The following KDM2A variants were observed in gnomAD, a reference collection of about 807,000 sequenced individuals.
The protein encoded by KDM2A is lysine-specific demethylase 2A.
In KDM2A, 3 loss-of-function variants were observed where a neutral mutation model predicts 137.3. The observed-to-expected ratio is 0.02, with a 90% CI of 0.01 to 0.06. The LOEUF (loss-of-function observed/expected upper bound fraction) is 0.06. Ranked by LOEUF, KDM2A falls within the 10% of genes least tolerant of loss-of-function variation. KDM2A has a pLI of 1.00. For missense variants in KDM2A, 738 were observed against 1,510.6 expected, an observed-to-expected ratio of 0.49 and a Z score of 8.48; for synonymous variants, 512 against 541.5, an observed-to-expected ratio of 0.95 and a Z score of 0.76.
chr11:67,165,370 C>T (rs1385304698), intron 2 of KDM2A, among the ~76,000 whole-genome samples: 2 of 152,136 alleles, frequency 1.3e-5, no homozygotes, highest in Non-Finnish European at 2.9e-5. Flanking sequence ...GATCTGCCCA[C>T]CTCAGCCTCC....
intron 2 of KDM2A, among the ~76,000 whole-genome samples, chr11:67,174,259 A>G (rs1487842742): frequency 6.6e-6 from 1 of 152,156 alleles, no homozygotes; most frequent in African/African-American, 2.4e-5. Context: ...CTCTGTCTCA[A>G]AAAAAAGAAA....
Position 67,257,172 on chromosome 11 carries a change from C to T in KDM2A, c.*2117C>T, listed in dbSNP as rs755603881. On this transcript the variant is annotated 3_prime_UTR_variant, in exon 21 of 21. Transcript: ENST00000529006. ...CAGGGATTGTGCCGGGAGAGTGCCT[C>T]TGACTTTGGGACATTTCATCCACAG... is the stretch of plus-strand genomic sequence containing the variant. The T allele has an allele frequency of 6.6e-6, 1 of 152,280 alleles. No individual in the cohort carries two copies. The highest frequency in any genetic ancestry group is 1.5e-5 in the Non-Finnish European group (1 of 68,044). The allele number at this position is 152,280 out of a possible 1,614,324, so 9.4% of individuals were successfully genotyped here.
chr11:67,247,072 T>TATATATATATATA (rs1491570916), intron 15 of KDM2A, among the ~76,000 whole-genome samples: 3 of 18,354 alleles, frequency 1.6e-4, no homozygotes, highest in African/African-American at 6.1e-4. Flanking sequence ...TATATATATA[T>TATATATATATATA]TTTTTTTTTT....
intron 12 of KDM2A, among the ~76,000 whole-genome samples, chr11:67,238,791 A>G (rs1264019211): frequency 2.0e-5 from 3 of 152,236 alleles, no homozygotes; most frequent in Non-Finnish European, 4.4e-5. Context: ...AGGGTCTAAA[A>G]GTCACATAAA....
intron 8 of KDM2A, 148 bp from the exon 9 acceptor site, chr11:67,217,583 T>G: frequency 1.4e-6 from 1 of 701,380 alleles, no homozygotes; most frequent in East Asian, 2.7e-5. Context: ...CCTTCTAGGG[T>G]TTACCACATA....
intron 2 of KDM2A, among the ~76,000 whole-genome samples, chr11:67,131,201 G>C (rs184660811): frequency 3.9e-5 from 6 of 151,980 alleles, no homozygotes; most frequent in Non-Finnish European, 8.8e-5. Context: ...GTGCACGCCT[G>C]TAGTCCCAGC....
At chr11:67,200,407 T>C (rs1056476408) in intron 5 of KDM2A, among the ~76,000 whole-genome samples, 1 of 152,058 alleles carries the variant, frequency 6.6e-6, no homozygotes, top group Admixed American at 6.5e-5. Context: ...TTAGTAGAGA[T>C]GGGGTTTCAC....
intron 2 of KDM2A, among the ~76,000 whole-genome samples, chr11:67,125,616 A>T (rs1034181102): frequency 6.6e-6 from 1 of 151,846 alleles, no homozygotes; most frequent in Non-Finnish European, 1.5e-5. Context: ...TACTAAAAAT[A>T]CAAAAATTAG....
Position 67,250,021 on chromosome 11 carries a change from C to A in KDM2A, c.2056-65C>A. 1 of 1,350,506 alleles carries A rather than the reference C, an allele frequency of 7.4e-7. No individual in the cohort carries two copies. 83.7% of individuals were successfully genotyped at this position (1,350,506 alleles called of 1,614,324 possible). A position where few individuals can be genotyped will look rare whatever the true frequency, so the allele number is the denominator to read the frequency against. ...CCCCTGAGAGCAAGGGAGGTCCACC[C>A]TGTCGGTTCAGAGGGTTTGGAAGAA... On this transcript the variant is annotated intron_variant, in intron 16 of 20. Coordinates refer to ENST00000529006, the MANE Select transcript of KDM2A (RefSeq NM_012308.3). The surrounding 1 kb of genome is among the most constrained non-coding windows in gnomAD (Gnocchi z 7.1).
Position 67,180,112 on chromosome 11 carries a change from G to A in KDM2A, c.76G>A (p.Gly26Ser). The change falls in exon 3 of 21, where the codon GGC becomes AGC. Residue 26 changes from glycine to serine, a missense_variant. By Grantham distance (56) the Gly-to-Ser change is moderately conservative. This residue lies in a region of KDM2A where 74 missense variants were observed against 181.8 expected (regional missense o/e 0.41). Coordinates refer to ENST00000529006, the MANE Select transcript of KDM2A (RefSeq NM_012308.3). The stretch of plus-strand genomic sequence containing the variant: ...CATGCGACGACGCTATGAAGATGAT[G>A]GCATTTCAGATGATGAAATTGAAGG... ...GTMRRRYEDD[G>S]ISDDEIEGKR... The A allele has an allele frequency of 6.2e-7, 1 of 1,613,820 alleles. No individual in the cohort carries two copies. Among genetic ancestry groups the A allele is most frequent in the Non-Finnish European group, 8.5e-7 (1 of 1,179,796 alleles).
chr11:67,122,645 T>TTATG (rs1855623666), intron 2 of KDM2A, among the ~76,000 whole-genome samples: 1 of 107,314 alleles, frequency 9.3e-6, no homozygotes, highest in Non-Finnish European at 1.6e-5. Flanking sequence ...TTATTTATTT[T>TTATG]TATTTATTTA....
chr11:67,253,430 A>T, intron 18 of KDM2A, 23 bp from the exon 19 acceptor site: 2 of 1,607,106 alleles, frequency 1.2e-6, no homozygotes, highest in South Asian at 2.2e-5. Context: ...GTATTATTAC[A>T]TGTCTCATTC....
intron 9 of KDM2A, 87 bp downstream of exon 9, chr11:67,217,971 G>T: frequency 8.6e-7 from 1 of 1,157,048 alleles, no homozygotes; most frequent in South Asian, 1.6e-5. Flanking sequence ...GAATAGTTAT[G>T]ATGCTGGGCG....
In KDM2A at chr11:67,245,626, T is replaced by C; in HGVS notation, c.1833+168T>C. 1.4e-6 allele frequency: 1 copy of C among 720,832 alleles called. No individual in the cohort carries two copies. 44.7% of individuals were successfully genotyped at this position (720,832 alleles called of 1,614,324 possible). On this transcript the variant is annotated intron_variant, in intron 14 of 20. Transcript: ENST00000529006. The surrounding 1 kb of genome is among the most constrained non-coding windows in gnomAD (Gnocchi z 4.1). ...TTTCCCCAGGTTTAGATAGAAGGTA[T>C]CTAGTACTAAAAATCCGATTTAATC...
At chr11:67,217,091 A>C (rs995743113) in intron 8 of KDM2A, among the ~76,000 whole-genome samples, 1 of 150,322 alleles carries the variant, frequency 6.7e-6, no homozygotes, top group Non-Finnish European at 1.5e-5. Context: ...AAAATACAAA[A>C]ATTAGCTGGG....
chr11:67,151,065 GTTCA>G (rs1856374211), intron 2 of KDM2A, among the ~76,000 whole-genome samples: 1 of 152,138 alleles, frequency 6.6e-6, no homozygotes, highest in Non-Finnish European at 1.5e-5. Flanking sequence ...AGAAGCAGGG[GTTCA>G]GTTTAGTTTG....
rs919877211 is a variant in KDM2A at position 67,181,310 on chromosome 11, A to G, written c.182-10A>G. 5 of 1,581,128 alleles carry G rather than the reference A, an allele frequency of 3.2e-6. No individual in the cohort carries two copies. The highest frequency in any genetic ancestry group is 3.5e-6 in the Non-Finnish European group (4 of 1,153,568). On this transcript the variant is annotated splice_polypyrimidine_tract_variant and intron_variant, in intron 3 of 20. Transcript: ENST00000529006. ...CCACTTATCTTTCTAATATTTTCCT[A>G]TGGTGACAGATTTTAATGTAGAGTA...
At chr11:67,214,269 A>G (rs918028009) in intron 6 of KDM2A, among the ~76,000 whole-genome samples, 2 of 140,094 alleles carry the variant, frequency 1.4e-5, no homozygotes, top group African/African-American at 5.4e-5. Flanking sequence ...CAGTGGCGCA[A>G]TCTCGGCTCA....
chr11:67,245,743 C>T lies in KDM2A; in HGVS notation c.1834-242C>T, dbSNP rs1269256145. On this transcript the variant is annotated intron_variant, in intron 14 of 20. Coordinates refer to ENST00000529006, the MANE Select transcript of KDM2A (RefSeq NM_012308.3). This position sits in a 1 kb window ranked among gnomAD's most constrained non-coding sequence, Gnocchi z 4.1. The stretch of plus-strand genomic sequence containing the variant: ...CCTCTTCAGGTAGATTAGAAAGGAC[C>T]GGGGAGGCCAAGTATAGGCCAACTG... 1.0e-5 allele frequency: 6 copies of T among 598,760 alleles called. No individual in the cohort carries two copies. Among genetic ancestry groups the T allele is most frequent in the South Asian group, 4.3e-5 (2 of 46,940 alleles). 37.1% of individuals were successfully genotyped at this position (598,760 alleles called of 1,614,324 possible).
Sources: allele counts gnomAD v4.1 joint callset (sites outside exome capture counted in the v4.1 genomes callset), GRCh38; gene constraint gnomAD v4.1.1; regional missense constraint gnomAD v4.1.1; non-coding constraint Gnocchi (gnomAD v3.1); transcripts MANE v1.5; gene names NCBI Gene and HGNC (gene_info 2026-07-23, HGNC 2026-07-21).